The following DIP2B variants were observed in gnomAD, a reference collection of about 807,000 sequenced individuals.
DIP2B encodes disco-interacting protein 2 homolog B.
DIP2B carries 76 observed loss-of-function variants against 198.0 expected under a neutral mutation model. The ratio of observed to expected loss-of-function variants is 0.38; its 90% confidence interval spans 0.32 to 0.46. DIP2B has a LOEUF of 0.46. Among genes scored for constraint, DIP2B ranks in the 20% least tolerant of loss-of-function variants. DIP2B has a pLI of 0.99. For synonymous variants in DIP2B, 701 were observed against 739.1 expected, an observed-to-expected ratio of 0.95 and a Z score of 0.84; for missense variants, 1,559 against 1,978.4, an observed-to-expected ratio of 0.79 and a Z score of 4.02.
Position 50,545,700 on chromosome 12 carries a change from AT to A in DIP2B, c.100+40461del, listed in dbSNP as rs1376756584. Among the ~76,000 whole-genome samples, 3 of 136,600 alleles carry A rather than the reference AT, an allele frequency of 2.2e-5. No homozygotes were observed. The East Asian group carries it at 6.6e-4, about 30-fold the overall frequency. The allele number at this position is 136,600 out of a possible 152,430, so 89.6% of individuals were successfully genotyped here. ...TTTTTTTTTTTTTTTTCATAACGCT[AT>A]CTGGGCTCACTGCAACCTCTGCCTC... On this transcript the variant is annotated intron_variant, in intron 1 of 37. Transcript: ENST00000301180.
intron 2 of DIP2B, among the ~76,000 whole-genome samples, chr12:50,640,089 GT>G (rs1269528016): frequency 2.6e-5 from 4 of 152,024 alleles, no homozygotes; most frequent in Non-Finnish European, 4.4e-5. Flanking sequence ...ATCTCGTTAA[GT>G]TTTTTTATTG....
At chr12:50,546,301 G>A (rs1958377341) in intron 1 of DIP2B, among the ~76,000 whole-genome samples, 1 of 152,208 alleles carries the variant, frequency 6.6e-6, no homozygotes, top group Non-Finnish European at 1.5e-5. Flanking sequence ...TTCCTCCCCT[G>A]TTGGTGGGAG....
chr12:50,691,076 A>G lies in DIP2B; in HGVS notation c.1579A>G (p.Met527Val), dbSNP rs1939214624. ...EYKTSKEGSV[M>V]GVTVSRLAML... ...TAAAACAAGCAAAGAAGGGAGTGTA[A>G]TGGGAGTTACAGTATCCCGGCTTGC... The change falls in exon 13 of 38, where the codon ATG becomes GTG. Residue 527 changes from methionine to valine, a missense_variant. By Grantham distance (21) the Met-to-Val change is conservative. Transcript: ENST00000301180. 1.2e-6 allele frequency: 2 copies of G among 1,614,062 alleles called. No individual in the cohort carries two copies. Among genetic ancestry groups the G allele is most frequent in the Non-Finnish European group, 1.7e-6 (2 of 1,179,982 alleles).
intron 3 of DIP2B, among the ~76,000 whole-genome samples, chr12:50,644,104 C>T (rs550175063): frequency 6.6e-6 from 1 of 152,300 alleles, no homozygotes; most frequent in Admixed American, 6.5e-5. Flanking sequence ...GTTCACATTT[C>T]AGACACAGTA....
At chr12:50,728,777 T>C in intron 30 of DIP2B, 99 bp downstream of exon 30, 7 of 1,461,874 alleles carry the variant, frequency 4.8e-6, no homozygotes, top group Non-Finnish European at 6.4e-6. Flanking sequence ...TGGTAAAGTT[T>C]CAGTAAAATG....
At chr12:50,581,949 G>T (rs1444994054) in intron 1 of DIP2B, among the ~76,000 whole-genome samples, 1 of 152,130 alleles carries the variant, frequency 6.6e-6, no homozygotes, top group Non-Finnish European at 1.5e-5. Context: ...GCAGAGCTCA[G>T]TGTGAGAGCT....
chr12:50,663,555 C>CAGATAAATAAATAAATAAAT (rs1555191039), intron 4 of DIP2B, among the ~76,000 whole-genome samples: 24 of 141,912 alleles, frequency 1.7e-4, no homozygotes, highest in African/African-American at 6.1e-4. Context: ...GACTCCGTCT[C>CAGATAAATAAATAAATAAAT]AAATAAATAA....
intron 1 of DIP2B, among the ~76,000 whole-genome samples, chr12:50,576,068 T>C (rs1958657582): frequency 6.7e-6 from 1 of 150,278 alleles, no homozygotes; most frequent in Admixed American, 6.7e-5. Context: ...CTGATATTTT[T>C]TTTCACTTTT....
intron 26 of DIP2B, 70 bp from the exon 27 acceptor site, chr12:50,723,132 T>C (rs978853400): frequency 1.6e-4 from 245 of 1,580,422 alleles, no homozygotes; most frequent in Non-Finnish European, 2.0e-4. Flanking sequence ...TTTTGGAAAA[T>C]TTGCCTTTTA....
At position 50,732,393 on chromosome 12, in the gene DIP2B, C is replaced by T. The variant is rs1283968950; in HGVS notation, c.3838C>T (p.Arg1280Trp). ...KTRGINLSCV[R>W]TCVVVAEERP... ...CAGAGGGATCAACCTCTCCTGCGTC[C>T]GGACCTGTGTGGTGGTGGCGGAGGA... is the stretch of plus-strand genomic sequence containing the variant. Residue 1280 changes from arginine (R) to tryptophan (W), a missense_variant, in exon 32 of 38, where the codon CGG (arginine) becomes TGG (tryptophan). Physicochemically the swap from Arg to Trp is moderately radical, Grantham distance 101. Transcript: ENST00000301180. 3 of 1,614,078 alleles carry T rather than the reference C, an allele frequency of 1.9e-6. No homozygotes were observed. Among genetic ancestry groups the T allele is most frequent in the African/African-American group, 1.3e-5 (1 of 74,924 alleles).
chr12:50,735,428 CTA>C (rs1247539255), intron 34 of DIP2B, among the ~76,000 whole-genome samples: 1 of 151,216 alleles, frequency 6.6e-6, no homozygotes, highest in Non-Finnish European at 1.5e-5. Flanking sequence ...AGAGCTGGTT[CTA>C]TGTTTTTTTT....
chr12:50,669,910 G>C (rs1325554127), intron 4 of DIP2B, among the ~76,000 whole-genome samples: 4 of 152,084 alleles, frequency 2.6e-5, no homozygotes, highest in African/African-American at 7.2e-5. Context: ...AGACGGAAAG[G>C]GTTCTGCAGT....
intron 36 of DIP2B, among the ~76,000 whole-genome samples, chr12:50,739,842 C>T (rs1447200453): frequency 6.6e-6 from 1 of 152,220 alleles, no homozygotes; most frequent in Non-Finnish European, 1.5e-5. Flanking sequence ...GGCAAGTGAG[C>T]GTCCCTGGCT....
At chr12:50,616,121 G>A (rs1937696787) in intron 1 of DIP2B, among the ~76,000 whole-genome samples, 1 of 152,228 alleles carries the variant, frequency 6.6e-6, no homozygotes, top group African/African-American at 2.4e-5. Context: ...TTTGTAAGAA[G>A]TCACATATGT....
intron 19 of DIP2B, among the ~76,000 whole-genome samples, chr12:50,699,613 A>C (rs1939380991): frequency 6.6e-6 from 1 of 152,056 alleles, no homozygotes; most frequent in Admixed American, 6.6e-5. Context: ...GTTGAGGCGG[A>C]AGGATTGCTC....
chr12:50,522,193 G>A (rs557115717), intron 1 of DIP2B, among the ~76,000 whole-genome samples: 1 of 151,396 alleles, frequency 6.6e-6, no homozygotes, highest in South Asian at 2.1e-4. Context: ...TAGAGACGGG[G>A]TTTTACCATA....
intron 3 of DIP2B, among the ~76,000 whole-genome samples, chr12:50,652,064 C>T (rs373710196): frequency 1.2e-4 from 18 of 151,998 alleles, no homozygotes; most frequent in African/African-American, 4.8e-5. Flanking sequence ...CCTGTAATCC[C>T]GGCTGTTTGG....
intron 1 of DIP2B, among the ~76,000 whole-genome samples, chr12:50,582,171 A>C (rs1227820293): frequency 8.2e-5 from 3 of 36,790 alleles, no homozygotes; most frequent in African/African-American, 2.4e-4. Flanking sequence ...TTTTTTTTTG[A>C]GTGGAGTTTC....
intron 1 of DIP2B, among the ~76,000 whole-genome samples, chr12:50,619,414 GA>G (rs1360925650): frequency 1.3e-5 from 2 of 152,136 alleles, no homozygotes; most frequent in Non-Finnish European, 2.9e-5. Context: ...GTATCGTTAG[GA>G]ATTTATATCA....
Sources: gnomAD v4.1 joint callset for allele counts (sites outside exome capture counted in the v4.1 genomes callset) on GRCh38, gnomAD v4.1.1 for gene constraint, MANE v1.5 for transcripts, NCBI Gene and HGNC (gene_info 2026-07-23, HGNC 2026-07-21) for gene names.